The following FAM167B variants were observed in gnomAD, a reference collection of about 807,000 sequenced individuals.
FAM167B encodes protein FAM167B.
In FAM167B, 7 loss-of-function variants were observed where a neutral mutation model predicts 15.4. That is an observed-to-expected ratio of 0.46 (90% CI 0.26 to 0.86). The LOEUF is 0.86. FAM167B is among the 40% of genes least tolerant of loss of function. The pLI is 0.17. For synonymous variants in FAM167B, 100 were observed against 94.6 expected (o/e 1.06, Z -0.33); for missense variants, 207 against 208.3 (o/e 0.99, Z 0.04).
In FAM167B at chr1:32,248,418, G is replaced by A; in HGVS notation, c.309G>A (p.Arg103=). 1 of 1,600,216 alleles carries A rather than the reference G, an allele frequency of 6.2e-7. No individual in the cohort carries two copies. Among genetic ancestry groups the A allele is most frequent in the Non-Finnish European group, 8.5e-7 (1 of 1,176,964 alleles). The part of the protein sequence containing the change: ...QDRQLAGQLL[R]LRAQLHRLKM... Reference sequence around the variant, plus strand: ...GGCAGCTGGCAGGGCAGCTGCTGCGGCTGCGGGCCCAGCTGCACCGACTGA... The same window carrying A: ...GGCAGCTGGCAGGGCAGCTGCTGCGACTGCGGGCCCAGCTGCACCGACTGA... Residue 103 remains arginine (R), a synonymous_variant, in exon 2 of 2, where the codon CGG becomes CGA. Transcript: ENST00000373582.
Position 32,248,667 on chromosome 1 carries a change from A to G in FAM167B, c.*66A>G. On this transcript the variant is annotated 3_prime_UTR_variant, in exon 2 of 2. Transcript: ENST00000373582. Reference sequence around the variant, plus strand: ...TGCCGCTTCCCCTGCCTGCCTGGGAAGAGGAAAGGGAGGGGTGCCCCAGAG... The same window carrying G: ...TGCCGCTTCCCCTGCCTGCCTGGGAGGAGGAAAGGGAGGGGTGCCCCAGAG... The G allele has an allele frequency of 2.9e-6, 4 of 1,390,236 alleles. No individual in the cohort carries two copies. The highest frequency in any genetic ancestry group is 3.8e-6 in the Non-Finnish European group (4 of 1,044,200). The allele number at this position is 1,390,236 out of a possible 1,614,324, so 86.1% of individuals were successfully genotyped here.
rs1639440681 is a variant in FAM167B, at chr1:32,248,625, C to G, written c.*24C>G. ...GAGGAACACCTGTGCCCCCCGACTC[C>G]CCGCCCCCTCTCCCAATGCCGCTTC... On this transcript the variant is annotated 3_prime_UTR_variant, in exon 2 of 2. Coordinates refer to ENST00000373582, the MANE Select transcript of FAM167B (RefSeq NM_032648.3). The G allele has an allele frequency of 4.0e-6, 6 of 1,501,914 alleles. No homozygotes were observed. The highest frequency in any genetic ancestry group is 4.4e-6 in the Non-Finnish European group (5 of 1,124,894). The allele number at this position is 1,501,914 out of a possible 1,614,324, so 93.0% of individuals were successfully genotyped here.
Position 32,247,515 on chromosome 1 carries a change from G to C in FAM167B, c.94G>C (p.Ala32Pro). The C allele has an allele frequency of 6.2e-7, 1 of 1,608,548 alleles. No homozygotes were observed. The highest frequency in any genetic ancestry group is 8.5e-7 in the Non-Finnish European group (1 of 1,177,378). The change falls in exon 1 of 2, where the codon GCC becomes CCC. Residue 32 changes from alanine (A) to proline (P), a missense_variant. Ala to Pro is a conservative substitution (Grantham distance 27). Coordinates refer to ENST00000373582, the MANE Select transcript of FAM167B (RefSeq NM_032648.3). ...ESLDSVKALTAKLQLQTRRPS... is the reference protein window; with the variant it reads ...ESLDSVKALTPKLQLQTRRPS... ...CCTGGACTCTGTGAAGGCACTGACA[G>C]CCAAGCTGCAGCTGCAGACTCGGCG...
chr1:32,248,322 G>A (rs1450299544), intron 1 of FAM167B, 49 bp from the exon 2 acceptor site: 7 of 1,462,736 alleles, frequency 4.8e-6, no homozygotes, highest in Non-Finnish European at 5.5e-6. Flanking sequence ...GAGAAACGGC[G>A]CGCGGCCGAG....
At chr1:32,247,796 C>T (rs1381414169) in intron 1 of FAM167B, 114 bp downstream of exon 1, 2 of 1,022,862 alleles carry the variant, frequency 2.0e-6, no homozygotes. Flanking sequence ...CCAGCAACCG[C>T]CCGCTCCGGT....
intron 1 of FAM167B, 143 bp downstream of exon 1, chr1:32,247,825 G>A (rs544395063): frequency 3.2e-4 from 229 of 708,750 alleles, no homozygotes; most frequent in Non-Finnish European, 4.6e-4. Context: ...CTGAGGAGCC[G>A]GGAATGGACT....
chr1:32,247,650 G>C lies in FAM167B; in HGVS notation c.229G>C (p.Asp77His). Reference protein sequence around the residue: ...PGDICGFDSMDSALEWLRREL... With the variant: ...PGDICGFDSMHSALEWLRREL... The stretch of plus-strand genomic sequence containing the variant: ...GGACATCTGTGGTTTCGACTCAATG[G>C]ACTCCGCCCTTGAGTGGCTCCGACG... The change falls in exon 1 of 2, where the codon GAC (aspartate) becomes CAC (histidine). Residue 77 changes from aspartate (D) to histidine (H), a missense_variant. Physicochemically the swap from Asp to His is moderately conservative, Grantham distance 81. Transcript: ENST00000373582. 3 of 1,485,188 alleles carry C rather than the reference G, an allele frequency of 2.0e-6. No homozygotes were observed. The highest frequency in any genetic ancestry group is 2.7e-6 in the Non-Finnish European group (3 of 1,114,312). 92.0% of individuals were successfully genotyped at this position (1,485,188 alleles called of 1,614,324 possible).
chr1:32,248,384 C>G lies in FAM167B; in HGVS notation c.275C>G (p.Ala92Gly). Residue 92 changes from alanine to glycine, a missense_variant, in exon 2 of 2, where the codon GCG (alanine) becomes GGG (glycine). Physicochemically the swap from Ala to Gly is moderately conservative, Grantham distance 60. Coordinates refer to ENST00000373582, the MANE Select transcript of FAM167B (RefSeq NM_032648.3). Reference protein sequence around the residue: ...WLRRELREMQAQDRQLAGQLL... With the variant: ...WLRRELREMQGQDRQLAGQLL... ...TCTCGGCCGCAGCGGGAGATGCAGGCGCAGGACAGGCAGCTGGCAGGGCAG... is the reference window on the plus strand; with the variant it reads ...TCTCGGCCGCAGCGGGAGATGCAGGGGCAGGACAGGCAGCTGGCAGGGCAG... The G allele has an allele frequency of 6.3e-7, 1 of 1,581,384 alleles. No homozygotes were observed. Among genetic ancestry groups the G allele is most frequent in the Non-Finnish European group, 8.5e-7 (1 of 1,169,752 alleles).
chr1:32,247,456 GT>G lies in FAM167B; in HGVS notation c.36del (p.Glu13LysfsTer15). On this transcript the variant is annotated frameshift_variant, in exon 1 of 2. Transcript: ENST00000373582. LOFTEE classifies it high-confidence loss of function. ...SLGLLKFQAV[G>X]EEDEEDEEGE... is the part of the protein sequence containing the mutation. Reference sequence around the variant, plus strand: ...GGGCTACTGAAATTCCAGGCAGTGGGTGAAGAGGACGAGGAGGATGAGGAGG... The same window carrying G: ...GGGCTACTGAAATTCCAGGCAGTGGGGAAGAGGACGAGGAGGATGAGGAGG... 1 of 1,577,882 alleles carries G rather than the reference GT, an allele frequency of 6.3e-7. No individual in the cohort carries two copies. Among genetic ancestry groups the G allele is most frequent in the Non-Finnish European group, 8.6e-7 (1 of 1,161,244 alleles).
chr1:32,247,563 G>C lies in FAM167B; in HGVS notation c.142G>C (p.Ala48Pro), dbSNP rs1557563079. 6.3e-7 allele frequency: 1 copy of C among 1,597,304 alleles called. No individual in the cohort carries two copies. Among genetic ancestry groups the C allele is most frequent in the South Asian group, 1.1e-5 (1 of 88,674 alleles). ...TRRPSYLEWT[A>P]QVQSQAWRRA... ...GCGGCCCTCATATCTGGAGTGGACAGCCCAGGTCCAGAGCCAGGCCTGGCG... is the reference window on the plus strand; with the variant it reads ...GCGGCCCTCATATCTGGAGTGGACACCCCAGGTCCAGAGCCAGGCCTGGCG... Residue 48 changes from alanine to proline, a missense_variant, in exon 1 of 2, where the codon GCC becomes CCC. Coordinates refer to ENST00000373582, the MANE Select transcript of FAM167B (RefSeq NM_032648.3).
chr1:32,247,799 G>A (rs1033069770), intron 1 of FAM167B, 117 bp downstream of exon 1: 15 of 992,398 alleles, frequency 1.5e-5, no homozygotes, highest in African/African-American at 3.3e-5. Context: ...GCAACCGCCC[G>A]CTCCGGTGTC....
intron 1 of FAM167B, 144 bp from the exon 2 acceptor site, chr1:32,248,227 T>A (rs1453030184): frequency 1.5e-6 from 1 of 672,452 alleles, no homozygotes; most frequent in Non-Finnish European, 2.5e-6. Context: ...TGAAGCCAGA[T>A]TGGGAGATAG....
Position 32,248,408 on chromosome 1 carries a change from A to AGCTGCTGCGGCTGCGGGC in FAM167B, c.300_317dup (p.Leu101_Ala106dup). On this transcript the variant is annotated inframe_insertion, in exon 2 of 2. Coordinates refer to ENST00000373582, the MANE Select transcript of FAM167B (RefSeq NM_032648.3). ...GCGCAGGACAGGCAGCTGGCAGGGC[A>AGCTGCTGCGGCTGCGGGC]GCTGCTGCGGCTGCGGGCCCAGCTG... 6.3e-7 allele frequency: 1 copy of AGCTGCTGCGGCTGCGGGC among 1,597,010 alleles called. No homozygotes were observed. The highest frequency in any genetic ancestry group is 8.5e-7 in the Non-Finnish European group (1 of 1,176,024).
chr1:32,248,592 C>T lies in FAM167B; in HGVS notation c.483C>T (p.Thr161=), dbSNP rs35660601. The change falls in exon 2 of 2, where the codon ACC becomes ACT. Residue 161 remains threonine, a synonymous_variant. Coordinates refer to ENST00000373582, the MANE Select transcript of FAM167B (RefSeq NM_032648.3). ...TGAACATCAGCGCCCGGCGCTTCAC[C>T]CTCTGCTGAGGAACACCTGTGCCCC... is the stretch of plus-strand genomic sequence containing the variant. ...TRMNISARRF[T]LC is the part of the protein sequence containing the mutation. The T allele has an allele frequency of 1.9e-3, 2,980 of 1,539,728 alleles. 42 individuals carry two copies. In the African/African-American group the frequency reaches 0.036, roughly 19 times the overall value.
Position 32,248,787 on chromosome 1 carries a change from C to G in FAM167B, c.*186C>G, listed in dbSNP as rs1304078687. The stretch of plus-strand genomic sequence containing the variant: ...CCAGCATCCTGTTTCCTCTGCTGAC[C>G]CAGCTGGGAGGGGGAGGAGGAGGAG... On this transcript the variant is annotated 3_prime_UTR_variant, in exon 2 of 2. Transcript: ENST00000373582. The G allele has an allele frequency of 1.6e-6, 1 of 617,386 alleles. No homozygotes were observed. Among genetic ancestry groups the G allele is most frequent in the East Asian group, 2.8e-5 (1 of 35,364 alleles). 38.2% of individuals were successfully genotyped at this position (617,386 alleles called of 1,614,324 possible).
rs1569881142 is a variant in FAM167B, at chr1:32,248,716, A to G, written c.*115A>G. 1 of 899,202 alleles carries G rather than the reference A, an allele frequency of 1.1e-6. No individual in the cohort carries two copies. The highest frequency in any genetic ancestry group is 2.9e-5 in the Admixed American group (1 of 34,322). The allele number at this position is 899,202 out of a possible 1,614,324, so 55.7% of individuals were successfully genotyped here. A position where few individuals can be genotyped will look rare whatever the true frequency, so the allele number is the denominator to read the frequency against. ...AGGCACCAGCTCCTGGCGGGGGAGG[A>G]GGAACATTCAGGTTTCTGAGAGCTG... On this transcript the variant is annotated 3_prime_UTR_variant, in exon 2 of 2. Coordinates refer to ENST00000373582, the MANE Select transcript of FAM167B (RefSeq NM_032648.3).
chr1:32,248,261 G>T, intron 1 of FAM167B, 110 bp from the exon 2 acceptor site: 1 of 866,164 alleles, frequency 1.2e-6, no homozygotes, highest in Non-Finnish European at 1.7e-6. Context: ...TGAGGTGAGA[G>T]GGGGCTGGGG....
At chr1:32,248,265 G>C (rs1312866561) in intron 1 of FAM167B, 106 bp from the exon 2 acceptor site, 4 of 901,816 alleles carry the variant, frequency 4.4e-6, no homozygotes, top group Non-Finnish European at 6.6e-6. Flanking sequence ...GTGAGAGGGG[G>C]CTGGGGAGGA....
Position 32,248,395 on chromosome 1 carries a change from C to G in FAM167B, c.286C>G (p.Gln96Glu). 1 of 1,591,102 alleles carries G rather than the reference C, an allele frequency of 6.3e-7. No individual in the cohort carries two copies. Among genetic ancestry groups the G allele is most frequent in the Non-Finnish European group, 8.5e-7 (1 of 1,173,976 alleles). Residue 96 changes from glutamine (Q) to glutamate (E), a missense_variant, in exon 2 of 2, where the codon CAG becomes GAG. Transcript: ENST00000373582. ...GCGGGAGATGCAGGCGCAGGACAGG[C>G]AGCTGGCAGGGCAGCTGCTGCGGCT... ...ELREMQAQDR[Q>E]LAGQLLRLRA...
Sources: gnomAD v4.1 joint callset for allele counts on GRCh38, gnomAD v4.1.1 for gene constraint, MANE v1.5 for transcripts, NCBI Gene and HGNC (gene_info 2026-07-23, HGNC 2026-07-21) for gene names.